The following SMS variants were observed in gnomAD, a reference collection of about 807,000 sequenced individuals.
SMS encodes the protein spermine synthase.
Under a neutral mutation model 33.0 loss-of-function variants are expected in SMS, and 3 were observed. The ratio of observed to expected loss-of-function variants is 0.09; its 90% CI spans 0.04 to 0.23. The LOEUF (loss-of-function observed/expected upper bound fraction) is 0.23, where lower values mean the gene tolerates loss of function less well. Among genes scored for constraint, SMS ranks in the 10% least tolerant of loss-of-function variants. The pLI, the probability that SMS is intolerant of heterozygous loss-of-function variation, is 1.00. For missense variants in SMS, 117 were observed against 288.6 expected (o/e 0.41, Z 4.31); for synonymous variants, 103 against 112.2 (o/e 0.92, Z 0.52).
In SMS at chrX:21,991,182, T is replaced by A. The variant is rs191834786; in HGVS notation, c.946-1415T>A. Among the ~76,000 whole-genome samples, 73 of 108,091 alleles carry A rather than the reference T, an allele frequency of 6.8e-4. 1 individual carries two copies. The highest frequency in any genetic ancestry group is 2.4e-3 in the Admixed American group (24 of 10,160). The allele number at this position is 108,091 out of a possible 115,157, so 93.9% of individuals were successfully genotyped here. A position where few individuals can be genotyped will look rare whatever the true frequency, so the allele number is the denominator to read the frequency against. ...TATTTTGAGGCAAATTAATAGTAAC[T>A]TTTTTTTTTTCTGAATTGGAGTTTC... On this transcript the variant is annotated intron_variant, in intron 9 of 10. Transcript: ENST00000404933.
chrX:21,940,909 C>A, intron 1 of SMS, 36 bp downstream of exon 1: 4 of 969,451 alleles, frequency 4.1e-6, no homozygotes, highest in Non-Finnish European at 5.4e-6. Flanking sequence ...TGGCCATCCC[C>A]GCCGCTCCCG....
intron 2 of SMS, among the ~76,000 whole-genome samples, chrX:21,970,882 C>T (rs1488873187): frequency 1.3e-4 from 14 of 109,502 alleles, no homozygotes; most frequent in Non-Finnish European, 1.9e-5. Flanking sequence ...GGAAATAACA[C>T]ATCTGTGTAA....
intron 1 of SMS, among the ~76,000 whole-genome samples, chrX:21,941,914 A>C (rs972164425): frequency 1.3e-4 from 13 of 98,009 alleles, no homozygotes; most frequent in African/African-American, 4.1e-4. Context: ...AAAAAAAAAA[A>C]AAAAAAAAAC....
intron 2 of SMS, among the ~76,000 whole-genome samples, chrX:21,968,157 C>T (rs1262773691): frequency 8.9e-6 from 1 of 112,459 alleles, no homozygotes; most frequent in Non-Finnish European, 1.9e-5. Flanking sequence ...CTGAGGTTGC[C>T]TGCTCTAGGA....
intron 1 of SMS, among the ~76,000 whole-genome samples, chrX:21,961,659 A>G (rs1449183772): frequency 1.8e-5 from 2 of 110,837 alleles, no homozygotes; most frequent in Non-Finnish European, 3.8e-5. Flanking sequence ...TGGTGTATTT[A>G]ATTTGGACCA....
At chrX:21,952,417 G>GT (rs1488138139) in intron 1 of SMS, among the ~76,000 whole-genome samples, 1 of 71,976 alleles carries the variant, frequency 1.4e-5, no homozygotes, top group South Asian at 5.5e-4. Context: ...TTGTTTGTTT[G>GT]TTTGTTTTTT....
intron 1 of SMS, among the ~76,000 whole-genome samples, chrX:21,965,000 T>G (rs1923602439): frequency 9.0e-6 from 1 of 111,293 alleles, no homozygotes; most frequent in African/African-American, 3.3e-5. Context: ...TCTGGTGCGC[T>G]TCTAGCTGTC....
chrX:21,961,068 G>A (rs1482853876), intron 1 of SMS, among the ~76,000 whole-genome samples: 2 of 84,604 alleles, frequency 2.4e-5, no homozygotes, highest in South Asian at 6.0e-4. Context: ...TTGGTGCCAG[G>A]TTCGATTTTG....
At chrX:21,971,372 TA>T (rs10707194) in intron 2 of SMS, among the ~76,000 whole-genome samples, 33,629 of 110,724 alleles carry the variant, frequency 0.3, 4,103 homozygotes, top group African/African-American at 0.44. Context: ...AAACCATTCT[TA>T]ACTTAGCTTG....
At position 21,966,803 on chromosome X, in the gene SMS, T is replaced by C. The variant is rs533686765; in HGVS notation, c.50-393T>C. 9.8e-5 allele frequency among the ~76,000 whole-genome samples: 11 copies of C among 111,904 alleles called. No individual in the cohort carries two copies. In the South Asian group the frequency reaches 4.1e-3, roughly 41 times the overall value. ...CCTCATTAATTTATTTAACCTGAAG[T>C]GGAATCTCATTTGTTGTACTTGAAT... On this transcript the variant is annotated intron_variant, in intron 1 of 10. Coordinates refer to ENST00000404933, the MANE Select transcript of SMS (RefSeq NM_004595.5).
chrX:21,979,943 A>G (rs1355417671), intron 7 of SMS, among the ~76,000 whole-genome samples: 1 of 108,444 alleles, frequency 9.2e-6, no homozygotes, highest in Non-Finnish European at 1.9e-5. Context: ...AAAAAAAAAA[A>G]AAATCTTAAT....
rs756990950 is a variant in SMS, at chrX:21,972,580, A to G, written c.329+9A>G. Reference sequence around the variant, plus strand: ...ACTGGGCGGGTGAAACGGTAAGTCCACTCTTGAATGTCCTTTTATATTTAA... The same window carrying G: ...ACTGGGCGGGTGAAACGGTAAGTCCGCTCTTGAATGTCCTTTTATATTTAA... On this transcript the variant is annotated intron_variant, in intron 4 of 10. Transcript: ENST00000404933. 3 of 1,118,976 alleles carry G rather than the reference A, an allele frequency of 2.7e-6. No homozygotes were observed. The highest frequency in any genetic ancestry group is 3.7e-5 in the South Asian group (2 of 54,787). The allele number at this position is 1,118,976 out of a possible 1,213,427, so 92.2% of individuals were successfully genotyped here.
intron 3 of SMS, 66 bp downstream of exon 3, chrX:21,972,056 A>G: frequency 2.7e-6 from 2 of 730,719 alleles, no homozygotes; most frequent in Non-Finnish European, 4.3e-6. Flanking sequence ...TTAGTGTTAA[A>G]ATAATGTTCT....
intron 7 of SMS, among the ~76,000 whole-genome samples, chrX:21,980,358 A>C (rs762799886): frequency 1.0e-5 from 1 of 98,696 alleles, no homozygotes; most frequent in South Asian, 5.0e-4. Flanking sequence ...TGGAGGTTGC[A>C]GTGAGCTGAG....
rs755902675 is a variant in SMS, at chrX:21,971,966, G to A, written c.240G>A (p.Ala80=). 6 of 1,193,627 alleles carry A rather than the reference G, an allele frequency of 5.0e-6. No individual in the cohort carries two copies. The highest frequency in any genetic ancestry group is 6.8e-6 in the Non-Finnish European group (6 of 880,507). Residue 80 remains alanine (A), a synonymous_variant, in exon 3 of 11, where the codon GCG becomes GCA. Transcript: ENST00000404933. ...ACCTTCAGAGTTATGATGGTGATGC[G>A]CAAGGCAAAGAAGAGATCGACAGTG... The part of the protein sequence containing the change: ...LLDLQSYDGD[A]QGKEEIDSIL...
In SMS at chrX:21,961,867, A is replaced by C. The variant is rs142671392; in HGVS notation, c.50-5329A>C. ...AGCCTGGCCATTGAAGTGAATTTTC[A>C]GAGAACTTCTGCCAAAGAAGAACAT... is the stretch of plus-strand genomic sequence containing the variant. On this transcript the variant is annotated intron_variant, in intron 1 of 10. Transcript: ENST00000404933. 4.9e-3 allele frequency among the ~76,000 whole-genome samples: 552 copies of C among 112,378 alleles called. 5 individuals are homozygous for C. Among genetic ancestry groups the C allele is most frequent in the African/African-American group, 0.017 (522 of 30,887 alleles).
chrX:21,976,438 G>A (rs1335097004), intron 4 of SMS, among the ~76,000 whole-genome samples: 1 of 111,116 alleles, frequency 9.0e-6, no homozygotes, highest in Non-Finnish European at 1.9e-5. Flanking sequence ...TGTAATATAT[G>A]TCAACCTGAT....
chrX:21,972,648 C>A (rs776471342), intron 4 of SMS, 77 bp downstream of exon 4: 24 of 695,443 alleles, frequency 3.5e-5, no homozygotes, highest in Non-Finnish European at 5.3e-5. Flanking sequence ...GTAGCTCACA[C>A]CTGTAATCCC....
intron 1 of SMS, among the ~76,000 whole-genome samples, chrX:21,966,494 T>C (rs952394489): frequency 9.0e-6 from 1 of 111,468 alleles, no homozygotes; most frequent in African/African-American, 3.3e-5. Context: ...GGAACACTGA[T>C]TGCACTTTTG....
Sources: gnomAD v4.1 joint callset for allele counts (sites outside exome capture counted in the v4.1 genomes callset) on GRCh38, gnomAD v4.1.1 for gene constraint, MANE v1.5 for transcripts, NCBI Gene and HGNC (gene_info 2026-07-23, HGNC 2026-07-21) for gene names.